The following STK32C variants were observed in gnomAD, a reference collection of about 807,000 sequenced individuals.
The protein encoded by STK32C is serine/threonine-protein kinase 32C.
STK32C carries 31 observed loss-of-function variants against 56.5 expected under a neutral mutation model. That is an observed-to-expected ratio of 0.55 (90% CI 0.41 to 0.74). STK32C has a LOEUF of 0.74. Among genes scored for constraint, STK32C ranks in the 30% least tolerant of loss-of-function variants. The pLI is 0.00. For missense variants in STK32C, 544 were observed against 676.9 expected, an observed-to-expected ratio of 0.80 and a Z score of 2.18; for synonymous variants, 309 against 289.4, an observed-to-expected ratio of 1.07 and a Z score of -0.69.
At chr10:132,284,777 C>T (rs1590392606) in intron 1 of STK32C, among the ~76,000 whole-genome samples, 1 of 146,726 alleles carries the variant, frequency 6.8e-6, no homozygotes, top group Non-Finnish European at 1.5e-5. Context: ...CCCACGTCTG[C>T]CCAAAGACCA....
chr10:132,315,998 A>G (rs2066302160), intron 1 of STK32C, among the ~76,000 whole-genome samples: 1 of 152,222 alleles, frequency 6.6e-6, no homozygotes, highest in African/African-American at 2.4e-5. Flanking sequence ...AATGATTATA[A>G]AACCCAAACT....
chr10:132,240,863 C>T (rs990643017), intron 2 of STK32C, among the ~76,000 whole-genome samples: 1 of 152,160 alleles, frequency 6.6e-6, no homozygotes, highest in Non-Finnish European at 1.5e-5. Context: ...CCAGCCGTGC[C>T]ACCGAGAAAT....
intron 10 of STK32C, among the ~76,000 whole-genome samples, chr10:132,221,294 C>A (rs556233814): frequency 7.2e-6 from 1 of 138,488 alleles, no homozygotes; most frequent in Non-Finnish European, 1.5e-5. Flanking sequence ...CGCACCTGGG[C>A]GAGTGTGAGG....
upstream of STK32C, among the ~76,000 whole-genome samples, chr10:132,308,819 C>T (rs769301234): frequency 1.4e-4 from 22 of 152,176 alleles, no homozygotes; most frequent in Non-Finnish European, 2.6e-4. Context: ...TCTGCCCCTG[C>T]GCAGGGCCAG....
intron 2 of STK32C, among the ~76,000 whole-genome samples, chr10:132,238,725 G>A (rs1211467299): frequency 5.3e-5 from 8 of 152,188 alleles, no homozygotes; most frequent in African/African-American, 1.9e-4. Context: ...TCCAGGGTCA[G>A]CAAGGCCCTG....
Position 132,213,283 on chromosome 10 carries a change from C to T in STK32C, c.1252-4182G>A, listed in dbSNP as rs77917082. Among the ~76,000 whole-genome samples, 1,393 of 152,332 alleles carry T rather than the reference C, an allele frequency of 9.1e-3. 16 individuals carry two copies. The highest frequency in any genetic ancestry group is 0.031 in the African/African-American group (1,293 of 41,580). ...GCAGATCAACAACTGTGAAGGGGCA[C>T]AGGCCCCCAAGACTGAGATTTGGTC... On this transcript the variant is annotated intron_variant, in intron 10 of 11. Coordinates refer to ENST00000298630, the MANE Select transcript of STK32C (RefSeq NM_173575.4).
At chr10:132,245,491 C>A (rs114423434) in intron 2 of STK32C, among the ~76,000 whole-genome samples, 2,479 of 152,350 alleles carry the variant, frequency 0.016, 70 homozygotes, top group African/African-American at 0.055. Context: ...AGCAGCAGGG[C>A]ACTCTGGACG....
intron 10 of STK32C, among the ~76,000 whole-genome samples, chr10:132,210,370 C>T (rs995759239): frequency 2.6e-5 from 4 of 152,238 alleles, no homozygotes; most frequent in Non-Finnish European, 5.9e-5. Flanking sequence ...GATTCTGCTG[C>T]CTCAGCCTCC....
In STK32C at chr10:132,256,525, G is replaced by A. The variant is rs181685743; in HGVS notation, c.263-10570C>T. Reference sequence around the variant, plus strand: ...ACCGCCTGATCAATACAGTATCTCCGGGTGGCAGAGGCTCAGGCCTGAGAC... The same window carrying A: ...ACCGCCTGATCAATACAGTATCTCCAGGTGGCAGAGGCTCAGGCCTGAGAC... On this transcript the variant is annotated intron_variant, in intron 1 of 11. Coordinates refer to ENST00000298630, the MANE Select transcript of STK32C (RefSeq NM_173575.4). Among the ~76,000 whole-genome samples the A allele has an allele frequency of 1.6e-4, 25 of 152,310 alleles. No homozygotes were observed. In the East Asian group the frequency reaches 2.3e-3, roughly 14 times the overall value.
chr10:132,285,385 A>C (rs2138267434), intron 1 of STK32C, among the ~76,000 whole-genome samples: 1 of 152,384 alleles, frequency 6.6e-6, no homozygotes, highest in South Asian at 2.1e-4. Context: ...ATCAATAATG[A>C]CGCTAACATT....
chr10:132,232,740 C>T (rs111608942), intron 2 of STK32C, among the ~76,000 whole-genome samples: 12 of 151,408 alleles, frequency 7.9e-5, no homozygotes, highest in Non-Finnish European at 1.5e-4. Context: ...CAACGCCACC[C>T]GGAGCCCTGG....
chr10:132,242,168 T>C (rs2137889420), intron 2 of STK32C, among the ~76,000 whole-genome samples: 1 of 151,630 alleles, frequency 6.6e-6, no homozygotes, highest in East Asian at 1.9e-4. Context: ...TTTCTTGCCC[T>C]GATCGTGAAT....
chr10:132,302,905 T>C (rs369926692), intron 1 of STK32C, among the ~76,000 whole-genome samples: 3 of 149,214 alleles, frequency 2.0e-5, no homozygotes, highest in East Asian at 4.0e-4. Flanking sequence ...GCCACTAGAG[T>C]CACTCCAAGG....
intron 1 of STK32C, among the ~76,000 whole-genome samples, chr10:132,282,092 C>T (rs964541097): frequency 6.6e-6 from 1 of 152,326 alleles, no homozygotes; most frequent in African/African-American, 2.4e-5. Flanking sequence ...GGGGTGGGGG[C>T]GACAGGTGCT....
chr10:132,262,325 CTA>C (rs1339040372), intron 1 of STK32C, among the ~76,000 whole-genome samples: 1 of 152,140 alleles, frequency 6.6e-6, no homozygotes, highest in African/African-American at 2.4e-5. Flanking sequence ...AGACCTCAAA[CTA>C]TAAAAGTTCT....
intron 2 of STK32C, 104 bp from the exon 3 acceptor site, chr10:132,228,232 C>G (rs1442547543): frequency 6.6e-7 from 1 of 1,505,888 alleles, no homozygotes; most frequent in Admixed American, 1.7e-5. Context: ...CGTCAGGACA[C>G]AAGGGGACAC....
chr10:132,266,938 G>A (rs149668019), intron 1 of STK32C, among the ~76,000 whole-genome samples: 10 of 152,206 alleles, frequency 6.6e-5, no homozygotes, highest in African/African-American at 1.9e-4. Flanking sequence ...GGAGGGCTGC[G>A]CGGACGAGGC....
At chr10:132,291,535 G>A (rs1291405480) in intron 1 of STK32C, among the ~76,000 whole-genome samples, 1 of 152,224 alleles carries the variant, frequency 6.6e-6, no homozygotes, top group Non-Finnish European at 1.5e-5. Flanking sequence ...GAAGGGCTGT[G>A]CCCACGAGAT....
At chr10:132,219,342 C>T (rs1009312523) in intron 10 of STK32C, among the ~76,000 whole-genome samples, 6 of 152,060 alleles carry the variant, frequency 3.9e-5, no homozygotes, top group Non-Finnish European at 7.4e-5. Flanking sequence ...CTCCACACAA[C>T]CAACCCAAGA....
Sources: gnomAD v4.1 joint callset for allele counts (sites outside exome capture counted in the v4.1 genomes callset) on GRCh38, gnomAD v4.1.1 for gene constraint, MANE v1.5 for transcripts, NCBI Gene and HGNC (gene_info 2026-07-23, HGNC 2026-07-21) for gene names.